The following RPSA2 variants were observed in gnomAD, a reference collection of about 807,000 sequenced individuals.
The protein encoded by RPSA2 is ribosomal protein SA 2, also known as small ribosomal subunit protein uS2B.
chr19:23,861,080 T>A, the RPSA2 span, among the ~76,000 whole-genome samples: 1 of 152,094 alleles, frequency 6.6e-6, no homozygotes, highest in Non-Finnish European at 1.5e-5. Flanking sequence ...CTTGGACAAA[T>A]TTTTAGATTA....
the RPSA2 span, among the ~76,000 whole-genome samples, chr19:23,850,756 C>A: frequency 6.6e-6 from 1 of 151,732 alleles, no homozygotes; most frequent in African/African-American, 2.4e-5. Flanking sequence ...TTTTTTTTGC[C>A]TGTATAATGG....
At chr19:23,779,259 C>T in the RPSA2 span, among the ~76,000 whole-genome samples, 1 of 152,134 alleles carries the variant, frequency 6.6e-6, no homozygotes, top group African/African-American at 2.4e-5. Flanking sequence ...CTCAGCCTCC[C>T]AAAGTGCTGG....
the RPSA2 span, among the ~76,000 whole-genome samples, chr19:23,863,977 T>C: frequency 6.6e-6 from 1 of 152,238 alleles, no homozygotes; most frequent in African/African-American, 2.4e-5. Flanking sequence ...CATCTGGGGC[T>C]GCTTAAGAAA....
chr19:23,790,753 A>G, the RPSA2 span: 1 of 468,804 alleles, frequency 2.1e-6, no homozygotes, highest in Admixed American at 2.9e-5. Context: ...AGACGCCAGG[A>G]CCCGCTGAAA....
At chr19:23,867,992 T>C in the RPSA2 span, among the ~76,000 whole-genome samples, 1 of 152,162 alleles carries the variant, frequency 6.6e-6, no homozygotes, top group Non-Finnish European at 1.5e-5. Context: ...ACTTCATCTG[T>C]TGGTGAAAGA....
At chr19:23,800,930 A>G in the RPSA2 span, among the ~76,000 whole-genome samples, 1 of 152,144 alleles carries the variant, frequency 6.6e-6, no homozygotes, top group Non-Finnish European at 1.5e-5. Flanking sequence ...TACAAACTTA[A>G]TAGGGCAGAT....
the RPSA2 span, among the ~76,000 whole-genome samples, chr19:23,810,318 T>C: frequency 0.98 from 146,615 of 149,828 alleles, 71,800 homozygotes; most frequent in Middle Eastern, 1. Context: ...GGCGTGAACC[T>C]GGGAGGCAGA....
chr19:23,842,938 C>A, the RPSA2 span, among the ~76,000 whole-genome samples: 1 of 151,896 alleles, frequency 6.6e-6, no homozygotes, highest in Admixed American at 6.6e-5. Context: ...AATATTATTG[C>A]CCAAATAATA....
the RPSA2 span, among the ~76,000 whole-genome samples, chr19:23,814,318 G>T: frequency 6.6e-6 from 1 of 151,682 alleles, no homozygotes; most frequent in African/African-American, 2.4e-5. Flanking sequence ...TTGATATTCA[G>T]TATGGATAAT....
chr19:23,857,596 T>C, the RPSA2 span, among the ~76,000 whole-genome samples: 1 of 149,564 alleles, frequency 6.7e-6, no homozygotes, highest in East Asian at 2.0e-4. Flanking sequence ...TTTGAAGAGA[T>C]TCTCCTGCCT....
chr19:23,829,602 CTT>C, the RPSA2 span, among the ~76,000 whole-genome samples: 1 of 152,204 alleles, frequency 6.6e-6, no homozygotes, highest in Non-Finnish European at 1.5e-5. Context: ...TGCCCAACCT[CTT>C]TTGTGTATTT....
chr19:23,769,318 T>G, the RPSA2 span, among the ~76,000 whole-genome samples: 1 of 152,192 alleles, frequency 6.6e-6, no homozygotes. Flanking sequence ...GCACTGTGTC[T>G]TAACTCTGAG....
chr19:23,779,786 C>A, the RPSA2 span, among the ~76,000 whole-genome samples: 13 of 152,168 alleles, frequency 8.5e-5, no homozygotes, highest in Admixed American at 7.9e-4. Context: ...TCTATCTGCA[C>A]CCTGCCCACA....
chr19:23,853,551 A>G, the RPSA2 span, among the ~76,000 whole-genome samples: 4 of 152,242 alleles, frequency 2.6e-5, no homozygotes, highest in African/African-American at 9.6e-5. Flanking sequence ...GGCTGCCATT[A>G]AAAGGGATAA....
At chr19:23,840,204 C>T in the RPSA2 span, among the ~76,000 whole-genome samples, 1 of 152,352 alleles carries the variant, frequency 6.6e-6, no homozygotes, top group Admixed American at 6.5e-5. Context: ...ATTTCTACTT[C>T]TGATGCTTTT....
chr19:23,847,411 A>G, the RPSA2 span, among the ~76,000 whole-genome samples: 1 of 152,178 alleles, frequency 6.6e-6, no homozygotes, highest in African/African-American at 2.4e-5. Flanking sequence ...AAAGAGTACA[A>G]AGAGAGGAAT....
At chr19:23,771,639 T>G in the RPSA2 span, among the ~76,000 whole-genome samples, 1 of 151,988 alleles carries the variant, frequency 6.6e-6, no homozygotes, top group Non-Finnish European at 1.5e-5. Context: ...TCTATTCTTT[T>G]GTCCTAGTGC....
chr19:23,870,582 GC>G, the RPSA2 span, among the ~76,000 whole-genome samples: 1 of 152,094 alleles, frequency 6.6e-6, no homozygotes, highest in Non-Finnish European at 1.5e-5. Flanking sequence ...TTCTTTAGAA[GC>G]CTGGACTGAA....
chr19:23,798,155 T>G, the RPSA2 span, among the ~76,000 whole-genome samples: 4 of 152,194 alleles, frequency 2.6e-5, no homozygotes, highest in African/African-American at 9.6e-5. Context: ...ATTTTTAGTC[T>G]TTTAAAGTTG....
Sources: allele counts gnomAD v4.1 joint callset (sites outside exome capture counted in the v4.1 genomes callset), GRCh38; gene constraint gnomAD v4.1.1; transcripts MANE v1.5; gene names NCBI Gene and HGNC (gene_info 2026-07-23, HGNC 2026-07-21).